Variants in MACROD2 observed in about 807,000 individuals in gnomAD.
MACROD2 encodes mono-ADP ribosylhydrolase 2, also known as ADP-ribose glycohydrolase MACROD2.
MACROD2 carries 36 observed loss-of-function variants against 70.4 expected under a neutral mutation model. The ratio of observed to expected loss-of-function variants is 0.51; its 90% CI spans 0.39 to 0.68. MACROD2 has a LOEUF of 0.68. Ranked by LOEUF, MACROD2 falls within the 30% of genes least tolerant of loss-of-function variation. The pLI, the probability that MACROD2 is intolerant of heterozygous loss-of-function variation, is 0.00. For missense variants in MACROD2, 496 were observed against 538.4 expected (o/e 0.92, Z 0.78); for synonymous variants, 172 against 178.8 (o/e 0.96, Z 0.30).
chr20:15,837,951 G>A (rs114252995), intron 8 of MACROD2, among the ~76,000 whole-genome samples: 1 of 152,240 alleles, frequency 6.6e-6, no homozygotes, highest in African/African-American at 2.4e-5. Flanking sequence ...TCATCAGCCA[G>A]CGAACTTTTC....
intron 3 of MACROD2, among the ~76,000 whole-genome samples, chr20:14,489,176 C>T (rs182425934): frequency 9.2e-5 from 14 of 152,292 alleles, no homozygotes; most frequent in Admixed American, 3.3e-4. Flanking sequence ...TTAATTTTCT[C>T]GCTTCGTCAG....
intron 13 of MACROD2, 67 bp downstream of exon 13, chr20:15,967,697 A>C (rs933017673): frequency 3.1e-5 from 43 of 1,385,792 alleles, no homozygotes; most frequent in Non-Finnish European, 3.7e-5. Context: ...AAAAAAAAAA[A>C]AAAACCCACA....
intron 3 of MACROD2, among the ~76,000 whole-genome samples, chr20:14,263,977 AC>A (rs2082121665): frequency 2.1e-3 from 1 of 470 alleles, no homozygotes; most frequent in Non-Finnish European, 0.01. Flanking sequence ...ATCTAAACAC[AC>A]ACACACACAC....
chr20:14,119,565 A>G (rs1314878592), intron 3 of MACROD2, among the ~76,000 whole-genome samples: 1 of 152,210 alleles, frequency 6.6e-6, no homozygotes, highest in Non-Finnish European at 1.5e-5. Flanking sequence ...AAAAAATCCT[A>G]AACAAGAGAA....
At chr20:15,850,928 A>C (rs1317242045) in intron 8 of MACROD2, among the ~76,000 whole-genome samples, 2 of 152,138 alleles carry the variant, frequency 1.3e-5, no homozygotes, top group African/African-American at 4.8e-5. Flanking sequence ...AATGCTAAAT[A>C]TGGTCACTCC....
At chr20:15,212,986 G>A (rs1186358380) in intron 5 of MACROD2, among the ~76,000 whole-genome samples, 2 of 152,200 alleles carry the variant, frequency 1.3e-5, no homozygotes, top group Non-Finnish European at 2.9e-5. Context: ...TCGCCCTCAA[G>A]TTTGAAAACT....
chr20:14,530,044 C>G (rs149793707), intron 4 of MACROD2, among the ~76,000 whole-genome samples: 27 of 152,122 alleles, frequency 1.8e-4, no homozygotes, highest in African/African-American at 6.3e-4. Context: ...ACTGGGTGAC[C>G]GAAGCTCATT....
At chr20:14,885,587 G>A (rs2073664461) in intron 5 of MACROD2, among the ~76,000 whole-genome samples, 1 of 152,156 alleles carries the variant, frequency 6.6e-6, no homozygotes, top group African/African-American at 2.4e-5. Flanking sequence ...TGCTGTAAGA[G>A]TAAAGTGCAA....
intron 3 of MACROD2, among the ~76,000 whole-genome samples, chr20:14,352,673 A>G (rs1279565660): frequency 6.6e-6 from 1 of 152,048 alleles, no homozygotes; most frequent in Non-Finnish European, 1.5e-5. Flanking sequence ...TTTAATTTGT[A>G]TTTATAGAAG....
Position 15,322,630 on chromosome 20 carries a change from G to A in MACROD2, c.540+92569G>A, listed in dbSNP as rs1331357059. 2.8e-5 allele frequency among the ~76,000 whole-genome samples: 4 copies of A among 143,994 alleles called. 2 individuals carry two copies. The highest frequency in any genetic ancestry group is 6.3e-5 in the Non-Finnish European group (4 of 63,680). The allele number at this position is 143,994 out of a possible 152,430, so 94.5% of individuals were successfully genotyped here. On this transcript the variant is annotated intron_variant, in intron 6 of 17. Transcript: ENST00000684519. ...TTATGGAAAGGAGTGAGTATTTTTG[G>A]TCAAAGTAATTTAGGTTTTATGAAT...
intron 3 of MACROD2, among the ~76,000 whole-genome samples, chr20:14,108,545 C>T (rs993792167): frequency 6.7e-6 from 1 of 149,480 alleles, no homozygotes; most frequent in Admixed American, 6.7e-5. Flanking sequence ...TCAAGACACA[C>T]ATAGACTAAA....
In MACROD2 at chr20:14,012,802, C is replaced by G. The variant is rs559945762; in HGVS notation, c.163+10398C>G. ...AGACTGTTTACGCAGAGGTGTTCAG[C>G]CTCACACAGCATTTTAAGTGGATAC... is the stretch of plus-strand genomic sequence containing the variant. On this transcript the variant is annotated intron_variant, in intron 2 of 17. Coordinates refer to ENST00000684519, the MANE Select transcript of MACROD2 (RefSeq NM_001351661.2). Among the ~76,000 whole-genome samples the G allele has an allele frequency of 2.6e-5, 4 of 152,300 alleles. No homozygotes were observed. In the East Asian group the frequency reaches 5.8e-4, roughly 22 times the overall value.
At chr20:14,994,498 C>G (rs1568917144) in intron 5 of MACROD2, among the ~76,000 whole-genome samples, 1 of 152,040 alleles carries the variant, frequency 6.6e-6, no homozygotes, top group Non-Finnish European at 1.5e-5. Flanking sequence ...TCAACCTCCC[C>G]AGTCAAAAAG....
intron 9 of MACROD2, among the ~76,000 whole-genome samples, chr20:15,868,522 A>G (rs1348574307): frequency 3.3e-5 from 5 of 152,140 alleles, no homozygotes; most frequent in Non-Finnish European, 5.9e-5. Context: ...GCTAGTATAC[A>G]GAGCAATGAA....
chr20:15,758,299 C>T (rs373144493), intron 8 of MACROD2, among the ~76,000 whole-genome samples: 42 of 137,656 alleles, frequency 3.1e-4, no homozygotes, highest in Admixed American at 2.1e-3. Context: ...AGTGTAGTGG[C>T]GGGATCTTGG....
intron 5 of MACROD2, among the ~76,000 whole-genome samples, chr20:14,981,628 G>A (rs1352048677): frequency 2.6e-5 from 4 of 152,024 alleles, no homozygotes; most frequent in East Asian, 1.9e-4. Flanking sequence ...TAAGTCTTGC[G>A]AGATCTGGTG....
At chr20:15,149,829 T>C (rs1227756484) in intron 5 of MACROD2, among the ~76,000 whole-genome samples, 2 of 151,896 alleles carry the variant, frequency 1.3e-5, no homozygotes, top group African/African-American at 4.8e-5. Context: ...CTGTGTGTAA[T>C]GAAAAGGGTT....
chr20:15,629,273 T>G (rs963044861), intron 8 of MACROD2, among the ~76,000 whole-genome samples: 1 of 152,220 alleles, frequency 6.6e-6, no homozygotes, highest in African/African-American at 2.4e-5. Flanking sequence ...ATATCAGACC[T>G]TGTTAATTTT....
At chr20:14,482,999 ACTTC>A (rs2084680146) in intron 3 of MACROD2, among the ~76,000 whole-genome samples, 1 of 152,196 alleles carries the variant, frequency 6.6e-6, no homozygotes, top group South Asian at 2.1e-4. Context: ...AATGGTACCT[ACTTC>A]ATTAGCTTCT....
Sources: gnomAD v4.1 joint callset for allele counts (sites outside exome capture counted in the v4.1 genomes callset) on GRCh38, gnomAD v4.1.1 for gene constraint, MANE v1.5 for transcripts, NCBI Gene and HGNC (gene_info 2026-07-23, HGNC 2026-07-21) for gene names.